TLL1: variants seen among roughly 807,000 people sequenced by gnomAD.
TLL1 encodes tolloid like 1, also known as tolloid-like protein 1.
A neutral mutation model predicts 128.2 loss-of-function variants in TLL1; 49 were observed. The observed-to-expected ratio is 0.38, with a 90% CI of 0.30 to 0.48. The LOEUF (loss-of-function observed/expected upper bound fraction) is 0.48, where lower values mean the gene tolerates loss of function less well. TLL1 is among the 20% of genes least tolerant of loss of function. The pLI is 0.96. For missense variants in TLL1, 1,123 were observed against 1,242.0 expected, an observed-to-expected ratio of 0.90 and a Z score of 1.44; for synonymous variants, 454 against 418.8, an observed-to-expected ratio of 1.08 and a Z score of -1.03.
At chr4:166,006,331 G>C (rs1737424684) in intron 6 of TLL1, among the ~76,000 whole-genome samples, 1 of 151,620 alleles carries the variant, frequency 6.6e-6, no homozygotes, top group Admixed American at 6.6e-5. Flanking sequence ...CTGTTATTTG[G>C]GCTGTGTATG....
At chr4:166,022,239 A>G (rs2111064432) in intron 8 of TLL1, among the ~76,000 whole-genome samples, 1 of 150,432 alleles carries the variant, frequency 6.6e-6, no homozygotes, top group Admixed American at 6.7e-5. Context: ...ATATGGGCTT[A>G]CTGCAATCTC....
intron 1 of TLL1, among the ~76,000 whole-genome samples, chr4:165,884,746 GA>G (rs1470804262): frequency 6.6e-6 from 1 of 152,172 alleles, no homozygotes; most frequent in Non-Finnish European, 1.5e-5. Flanking sequence ...TGATGCAGGA[GA>G]ATTGCTTGAA....
chr4:166,016,832 C>CAT (rs983912676), intron 8 of TLL1, among the ~76,000 whole-genome samples: 3 of 151,692 alleles, frequency 2.0e-5, no homozygotes, highest in Admixed American at 6.6e-5. Context: ...TATAAATATA[C>CAT]ATATATATAG....
chr4:165,993,348 C>T (rs1273473277), intron 3 of TLL1, among the ~76,000 whole-genome samples: 1 of 151,874 alleles, frequency 6.6e-6, no homozygotes, highest in African/African-American at 2.4e-5. Flanking sequence ...TATAAACATT[C>T]AGAACTAATT....
rs758162833 is a variant in TLL1 at position 166,055,246 on chromosome 4, A to G, written c.1695A>G (p.Ala565=). The change falls in exon 13 of 21, where the codon GCA becomes GCG. Residue 565 remains alanine (A), a synonymous_variant. Coordinates refer to ENST00000061240, the MANE Select transcript of TLL1 (RefSeq NM_012464.5). The part of the protein sequence containing the change: ...KFVSDGTVNK[A]GFAANFFKEE... The stretch of plus-strand genomic sequence containing the variant: ...TTTCTGACGGAACTGTGAACAAAGC[A>G]GGGTTTGCTGCTAACTTTTTTAAAG... 7 of 1,613,672 alleles carry G rather than the reference A, an allele frequency of 4.3e-6. No homozygotes were observed. The highest frequency in any genetic ancestry group is 5.9e-6 in the Non-Finnish European group (7 of 1,179,798).
intron 9 of TLL1, chr4:166,030,618 CTA>C: frequency 1.5e-6 from 1 of 672,070 alleles, no homozygotes. Flanking sequence ...GTGTTTTCTT[CTA>C]TGAGTTCTAT....
intron 16 of TLL1, among the ~76,000 whole-genome samples, chr4:166,070,535 G>A (rs116530645): frequency 0.015 from 2,293 of 151,988 alleles, 60 homozygotes; most frequent in African/African-American, 0.052. Flanking sequence ...AAGAATAATA[G>A]CAGTCTCCCT....
At chr4:166,045,201 CTA>C (rs1739409083) in intron 12 of TLL1, among the ~76,000 whole-genome samples, 1 of 152,112 alleles carries the variant, frequency 6.6e-6, no homozygotes, top group South Asian at 2.1e-4. Context: ...TACTTTATTT[CTA>C]TATGTTTCTG....
chr4:165,955,379 T>C lies in TLL1; in HGVS notation c.170-34002T>C, dbSNP rs139853210. Among the ~76,000 whole-genome samples, 826 of 152,108 alleles carry C rather than the reference T, an allele frequency of 5.4e-3. 8 individuals carry two copies. The highest frequency in any genetic ancestry group is 0.027 in the Middle Eastern group (8 of 294). On this transcript the variant is annotated intron_variant, in intron 1 of 20. Transcript: ENST00000061240. Reference sequence around the variant, plus strand: ...TGGAAAATGGTATTTGACAATATGGTCCATGAAAATTTCCCTAGTCTCACT... The same window carrying C: ...TGGAAAATGGTATTTGACAATATGGCCCATGAAAATTTCCCTAGTCTCACT...
At chr4:166,069,601 CTAAT>C (rs1243767098) in intron 16 of TLL1, among the ~76,000 whole-genome samples, 2 of 151,662 alleles carry the variant, frequency 1.3e-5, no homozygotes, top group African/African-American at 2.4e-5. Flanking sequence ...ATATCATTGT[CTAAT>C]AAAATAATTG....
At chr4:165,987,400 G>C (rs1736436464) in intron 1 of TLL1, among the ~76,000 whole-genome samples, 1 of 152,074 alleles carries the variant, frequency 6.6e-6, no homozygotes, top group Non-Finnish European at 1.5e-5. Context: ...GGATGCTGGA[G>C]CATTAGTGTT....
Position 166,102,452 on chromosome 4 carries a change from TCTA to T in TLL1, c.*1580_*1582del, listed in dbSNP as rs1742336566. 6.6e-6 allele frequency: 1 copy of T among 152,404 alleles called. No homozygotes were observed. The highest frequency in any genetic ancestry group is 2.4e-5 in the African/African-American group (1 of 41,420). The allele number at this position is 152,404 out of a possible 1,614,324, so 9.4% of individuals were successfully genotyped here. On this transcript the variant is annotated 3_prime_UTR_variant, in exon 21 of 21. Coordinates refer to ENST00000061240, the MANE Select transcript of TLL1 (RefSeq NM_012464.5). ...AAAAGTTAAAATGTATGTGCCAAGT[TCTA>T]CTAGAATTCCATTTGAAATAGCACC...
In TLL1 at chr4:166,055,201, T is replaced by C. The variant is rs766550068; in HGVS notation, c.1650T>C (p.Asn550=). The C allele has an allele frequency of 6.2e-7, 1 of 1,613,758 alleles. No homozygotes were observed. Among genetic ancestry groups the C allele is most frequent in the Non-Finnish European group, 8.5e-7 (1 of 1,179,822 alleles). Residue 550 remains asparagine (N), a synonymous_variant, in exon 13 of 21, where the codon AAT becomes AAC. Coordinates refer to ENST00000061240, the MANE Select transcript of TLL1 (RefSeq NM_012464.5). ...DKPEDIRSTS[N]TLWMKFVSDG... is the part of the protein sequence containing the mutation. The stretch of plus-strand genomic sequence containing the variant: ...CTGAAGACATAAGATCTACCTCCAA[T>C]ACTTTGTGGATGAAGTTTGTTTCTG...
At chr4:165,953,566 GAA>G (rs35500206) in intron 1 of TLL1, among the ~76,000 whole-genome samples, 8,259 of 134,418 alleles carry the variant, frequency 0.061, 653 homozygotes, top group African/African-American at 0.2. Flanking sequence ...TTTTCATTTA[GAA>G]AAAAAAAAAA....
At chr4:166,056,024 T>C (rs1739989819) in intron 13 of TLL1, among the ~76,000 whole-genome samples, 1 of 152,096 alleles carries the variant, frequency 6.6e-6, no homozygotes, top group Admixed American at 6.6e-5. Flanking sequence ...CTTAGAGTGA[T>C]AGATATGTAA....
intron 19 of TLL1, among the ~76,000 whole-genome samples, chr4:166,095,378 C>G (rs1222940943): frequency 6.6e-6 from 1 of 151,218 alleles, no homozygotes; most frequent in Non-Finnish European, 1.5e-5. Flanking sequence ...TTACTCCAGT[C>G]TTAAATAAGT....
At chr4:165,926,544 G>A (rs1733277607) in intron 1 of TLL1, among the ~76,000 whole-genome samples, 1 of 152,188 alleles carries the variant, frequency 6.6e-6, no homozygotes, top group Non-Finnish European at 1.5e-5. Context: ...GGAAGCAGAA[G>A]GCAGAGGGGG....
intron 8 of TLL1, among the ~76,000 whole-genome samples, chr4:166,024,840 T>G (rs1293347697): frequency 6.6e-6 from 1 of 152,222 alleles, no homozygotes; most frequent in Non-Finnish European, 1.5e-5. Context: ...TTTCACATTT[T>G]GATATTACCT....
chr4:165,902,309 AC>A (rs1732035410), intron 1 of TLL1, among the ~76,000 whole-genome samples: 1 of 152,092 alleles, frequency 6.6e-6, no homozygotes, highest in South Asian at 2.1e-4. Flanking sequence ...AAACAAAAAA[AC>A]AAAAAAACAA....
Sources: gnomAD v4.1 joint callset for allele counts (sites outside exome capture counted in the v4.1 genomes callset) on GRCh38, gnomAD v4.1.1 for gene constraint, MANE v1.5 for transcripts, NCBI Gene and HGNC (gene_info 2026-07-23, HGNC 2026-07-21) for gene names.